Variants in CNTN4 observed in about 807,000 individuals in gnomAD.
The protein encoded by CNTN4 is contactin-4.
A neutral mutation model predicts 122.5 loss-of-function variants in CNTN4; 77 were observed. The observed-to-expected ratio is 0.63, with a 90% confidence interval of 0.52 to 0.76. The LOEUF is 0.76. Ranked by LOEUF, CNTN4 falls within the 30% of genes least tolerant of loss-of-function variation. The pLI, the probability that CNTN4 is intolerant of heterozygous loss-of-function variation, is 0.00. For missense variants in CNTN4, 1,256 were observed against 1,259.1 expected, an observed-to-expected ratio of 1.00 and a Z score of 0.04; for synonymous variants, 512 against 447.0, an observed-to-expected ratio of 1.15 and a Z score of -1.83.
At chr3:2,633,834 G>A (rs1353900325) in intron 4 of CNTN4, among the ~76,000 whole-genome samples, 2 of 152,126 alleles carry the variant, frequency 1.3e-5, no homozygotes, top group Admixed American at 6.5e-5. Flanking sequence ...GCATTTGCTC[G>A]TCACTTGTCA....
At chr3:2,798,333 T>A (rs2092255781) in intron 6 of CNTN4, among the ~76,000 whole-genome samples, 1 of 56,308 alleles carries the variant, frequency 1.8e-5, no homozygotes, top group Non-Finnish European at 4.8e-5. Flanking sequence ...TTATATAGTC[T>A]GTATATATAC....
chr3:2,795,095 G>A (rs975336611), intron 6 of CNTN4, among the ~76,000 whole-genome samples: 2 of 152,158 alleles, frequency 1.3e-5, no homozygotes, highest in African/African-American at 4.8e-5. Flanking sequence ...TGTAATATAT[G>A]TAATTCCATT....
intron 3 of CNTN4, among the ~76,000 whole-genome samples, chr3:2,546,414 G>A (rs2078247895): frequency 6.6e-6 from 1 of 151,858 alleles, no homozygotes; most frequent in South Asian, 2.1e-4. Flanking sequence ...TGCAGGAACA[G>A]AAAACTGAGT....
At chr3:2,697,841 TCCA>T (rs2086132052) in intron 4 of CNTN4, among the ~76,000 whole-genome samples, 3 of 151,778 alleles carry the variant, frequency 2.0e-5, no homozygotes, top group Non-Finnish European at 2.9e-5. Flanking sequence ...AGTCTTGGAG[TCCA>T]AAGGCAGTCT....
chr3:2,379,091 A>G (rs1345491505), intron 3 of CNTN4, among the ~76,000 whole-genome samples: 2 of 152,176 alleles, frequency 1.3e-5, no homozygotes, highest in African/African-American at 2.4e-5. Flanking sequence ...TACCTATACA[A>G]TAGGCATATG....
intron 3 of CNTN4, among the ~76,000 whole-genome samples, chr3:2,363,259 A>G (rs2045234205): frequency 6.6e-6 from 1 of 152,250 alleles, no homozygotes; most frequent in Admixed American, 6.5e-5. Flanking sequence ...ATGGGAGGGA[A>G]GTAACATTCA....
intron 3 of CNTN4, among the ~76,000 whole-genome samples, chr3:2,424,723 A>G (rs944583810): frequency 3.3e-5 from 5 of 152,160 alleles, no homozygotes; most frequent in Non-Finnish European, 2.9e-5. Flanking sequence ...CCTCTCCAGT[A>G]CCTGTTGTTT....
At chr3:2,483,985 T>A (rs1002142830) in intron 3 of CNTN4, among the ~76,000 whole-genome samples, 1 of 152,104 alleles carries the variant, frequency 6.6e-6, no homozygotes, top group African/African-American at 2.4e-5. Context: ...AAATATTTTA[T>A]CTGCAAAAAG....
At chr3:2,509,037 A>G (rs576562950) in intron 3 of CNTN4, among the ~76,000 whole-genome samples, 1 of 152,368 alleles carries the variant, frequency 6.6e-6, no homozygotes, top group South Asian at 2.1e-4. Flanking sequence ...AATCTATTAC[A>G]TATCATAATC....
At chr3:2,361,012 G>C (rs1038708856) in intron 3 of CNTN4, among the ~76,000 whole-genome samples, 14 of 152,160 alleles carry the variant, frequency 9.2e-5, no homozygotes, top group African/African-American at 3.4e-4. Flanking sequence ...TGGCTCTTTT[G>C]TGGGTATTGC....
chr3:2,105,817 CA>C (rs1003407491), intron 2 of CNTN4, among the ~76,000 whole-genome samples: 4 of 152,158 alleles, frequency 2.6e-5, no homozygotes, highest in African/African-American at 4.8e-5. Flanking sequence ...GGCATTAGCT[CA>C]AAAGTCCACA....
chr3:3,053,592 C>T (rs1701485933), intron 23 of CNTN4, among the ~76,000 whole-genome samples: 1 of 152,174 alleles, frequency 6.6e-6, no homozygotes, highest in African/African-American at 2.4e-5. Flanking sequence ...GCTGATGCCC[C>T]TGATATAATA....
chr3:3,056,093 T>C, intron 24 of CNTN4, 27 bp from the exon 25 acceptor site: 2 of 1,594,018 alleles, frequency 1.3e-6, no homozygotes, highest in Admixed American at 1.7e-5. Flanking sequence ...TGGGGCTGTT[T>C]TGAGTGAATT....
At chr3:2,302,956 A>T (rs2042577229) in intron 2 of CNTN4, among the ~76,000 whole-genome samples, 1 of 152,204 alleles carries the variant, frequency 6.6e-6, no homozygotes, top group African/African-American at 2.4e-5. Context: ...ATAATGGTGG[A>T]GCCACCCTGG....
At chr3:2,899,100 G>A (rs1169531770) in intron 10 of CNTN4, among the ~76,000 whole-genome samples, 2 of 152,144 alleles carry the variant, frequency 1.3e-5, no homozygotes, top group African/African-American at 4.8e-5. Context: ...GTAAAACTGT[G>A]TTTTGCTCGT....
intron 2 of CNTN4, among the ~76,000 whole-genome samples, chr3:2,277,031 C>T (rs903402393): frequency 1.3e-5 from 2 of 151,884 alleles, no homozygotes; most frequent in Non-Finnish European, 2.9e-5. Context: ...AATTATTATA[C>T]AAATAAATAG....
At chr3:2,510,528 G>A (rs374313072) in intron 3 of CNTN4, among the ~76,000 whole-genome samples, 37 of 152,188 alleles carry the variant, frequency 2.4e-4, no homozygotes, top group African/African-American at 8.9e-4. Context: ...TCACACGGGT[G>A]CCTTAATCAC....
chr3:2,763,301 G>A (rs2090683272), intron 6 of CNTN4, among the ~76,000 whole-genome samples: 1 of 152,124 alleles, frequency 6.6e-6, no homozygotes, highest in Non-Finnish European at 1.5e-5. Context: ...TTTGAAAAGT[G>A]TCTATTCATG....
At chr3:2,379,508 C>A (rs919216356) in intron 3 of CNTN4, among the ~76,000 whole-genome samples, 2 of 152,104 alleles carry the variant, frequency 1.3e-5, no homozygotes, top group Non-Finnish European at 2.9e-5. Context: ...TCCGGAGTAC[C>A]ACAGGCCTCT....
Sources: gnomAD v4.1 joint callset for allele counts (sites outside exome capture counted in the v4.1 genomes callset) on GRCh38, gnomAD v4.1.1 for gene constraint, MANE v1.5 for transcripts, NCBI Gene and HGNC (gene_info 2026-07-23, HGNC 2026-07-21) for gene names.